CLU: variants seen among roughly 807,000 people sequenced by gnomAD.
CLU encodes the protein clusterin, also known as aging-associated protein 4.
Under a neutral mutation model 46.4 loss-of-function variants are expected in CLU, and 25 were observed. That is an observed-to-expected ratio of 0.54 (90% CI 0.39 to 0.75). CLU has a LOEUF of 0.75. Among genes scored for constraint, CLU ranks in the 30% least tolerant of loss-of-function variants. The pLI is 0.00. For missense variants in CLU, 504 were observed against 592.1 expected (o/e 0.85, Z 1.54); for synonymous variants, 235 against 235.1 (o/e 1.00, Z 0.00).
At chr8:27,600,266 G>T (rs561495023) in intron 6 of CLU, among the ~76,000 whole-genome samples, 3 of 152,256 alleles carry the variant, frequency 2.0e-5, no homozygotes, top group Non-Finnish European at 4.4e-5. Flanking sequence ...ACAGAGTTTT[G>T]CTCTGTTGCC....
At position 27,599,960 on chromosome 8, in the gene CLU, G is replaced by C. The variant is rs9331939; in HGVS notation, c.984C>G (p.Asp328Glu). ...ACCTCTCAGCGACCTGGAGGGATTC[G>C]TCGAGCTCCCGCCGCAGCTTAGCCT... is the stretch of plus-strand genomic sequence containing the variant. ...PSQAKLRRELDESLQVAERLT... is the reference protein window; with the variant it reads ...PSQAKLRRELEESLQVAERLT... The change falls in exon 7 of 9, where the codon GAC becomes GAG. Residue 328 changes from aspartate (D) to glutamate (E), a missense_variant. By Grantham distance (45) the Asp-to-Glu change is conservative. Transcript: ENST00000316403. This position sits in a 1 kb window ranked among gnomAD's most constrained non-coding sequence, Gnocchi z 4.0. The C allele has an allele frequency of 6.2e-7, 1 of 1,614,190 alleles. No homozygotes were observed. Among genetic ancestry groups the C allele is most frequent in the Non-Finnish European group, 8.5e-7 (1 of 1,180,032 alleles).
chr8:27,606,229 A>G, intron 4 of CLU, 125 bp downstream of exon 4: 1 of 1,060,096 alleles, frequency 9.4e-7, no homozygotes, highest in Non-Finnish European at 1.4e-6. Flanking sequence ...CCAATGGAGC[A>G]TGGCACTCTG....
chr8:27,604,223 T>TGA, intron 6 of CLU, 68 bp downstream of exon 6: 1 of 1,222,930 alleles, frequency 8.2e-7, no homozygotes, highest in South Asian at 1.2e-5. Context: ...GCAGCACCAG[T>TGA]GAGGCCCCAG....
Position 27,598,118 on chromosome 8 carries a change from G to A in CLU, c.*123C>T. The A allele has an allele frequency of 1.1e-6, 1 of 902,802 alleles. No homozygotes were observed. The highest frequency in any genetic ancestry group is 1.4e-5 in the South Asian group (1 of 72,692). The allele number at this position is 902,802 out of a possible 1,614,324, so 55.9% of individuals were successfully genotyped here. A position where few individuals can be genotyped will look rare whatever the true frequency, so the allele number is the denominator to read the frequency against. On this transcript the variant is annotated 3_prime_UTR_variant, in exon 9 of 9. Coordinates refer to ENST00000316403, the MANE Select transcript of CLU (RefSeq NM_001831.4). ...AGCGGGGAGAGGCTGGGCGGAGTTG[G>A]GGGCCTGGAGGCTGGGGCCTGGTTA...
At chr8:27,601,536 T>C (rs1305248198) in intron 6 of CLU, among the ~76,000 whole-genome samples, 1 of 152,314 alleles carries the variant, frequency 6.6e-6, no homozygotes, top group East Asian at 1.9e-4. Context: ...GGGCTGCAGG[T>C]TGTCAGATTC....
Position 27,598,197 on chromosome 8 carries a change from C to G in CLU, c.*44G>C, listed in dbSNP as rs1436263041. ...GGGCTGCAGCTCATCTTGGGGGGAG[C>G]TGGACTCAGATGCCCCCGTAGGTGC... On this transcript the variant is annotated 3_prime_UTR_variant, in exon 9 of 9. Coordinates refer to ENST00000316403, the MANE Select transcript of CLU (RefSeq NM_001831.4). 6.2e-7 allele frequency: 1 copy of G among 1,608,654 alleles called. No individual in the cohort carries two copies. The highest frequency in any genetic ancestry group is 8.5e-7 in the Non-Finnish European group (1 of 1,175,720).
At chr8:27,612,436 A>G (rs1378102502) in intron 1 of CLU, among the ~76,000 whole-genome samples, 1 of 152,178 alleles carries the variant, frequency 6.6e-6, no homozygotes, top group Admixed American at 6.5e-5. Context: ...CTACTTCCAA[A>G]TTAGACTGAG....
chr8:27,600,278 A>T (rs560430834), intron 6 of CLU, among the ~76,000 whole-genome samples: 10 of 152,280 alleles, frequency 6.6e-5, no homozygotes, highest in Admixed American at 1.3e-4. Flanking sequence ...TCTGTTGCCT[A>T]GGCTGGAATA....
At chr8:27,611,638 C>T (rs1447171564) in intron 1 of CLU, 8 of 457,834 alleles carry the variant, frequency 1.7e-5, no homozygotes, top group South Asian at 1.2e-4. Context: ...CGATGGGGTT[C>T]CCCTTCCTGA....
intron 3 of CLU, 133 bp from the exon 4 acceptor site, chr8:27,606,657 T>A: frequency 1.0e-6 from 1 of 991,466 alleles, no homozygotes; most frequent in Non-Finnish European, 1.6e-6. Flanking sequence ...TGCAAGTGCC[T>A]ACCCTTGCTC....
rs764393074 is a variant in CLU at position 27,598,449 on chromosome 8, C to T, written c.1340+11G>A. 1.4e-4 allele frequency: 218 copies of T among 1,613,778 alleles called. 1 individual carries two copies. In the Admixed American group the frequency reaches 2.1e-3, roughly 15 times the overall value. ...GCCCTGCAGGCCCGCAGGAAAGGCC[C>T]GCCTGCTTACCGGTGCTTTTTGCGG... On this transcript the variant is annotated intron_variant, in intron 8 of 8. Transcript: ENST00000316403.
chr8:27,601,644 G>A (rs76339189), intron 6 of CLU, among the ~76,000 whole-genome samples: 2,194 of 152,312 alleles, frequency 0.014, 24 homozygotes, highest in Middle Eastern at 0.051. Flanking sequence ...TCAAACGTGA[G>A]TCAGGGGAAG....
At chr8:27,614,454 G>A (rs575490256) in intron 1 of CLU, 7 of 322,712 alleles carry the variant, frequency 2.2e-5, no homozygotes, top group African/African-American at 1.4e-4. Context: ...CTCAGGCGGC[G>A]GTTGCGCCGG....
intron 6 of CLU, among the ~76,000 whole-genome samples, chr8:27,602,952 C>A (rs1001014325): frequency 2.0e-5 from 3 of 151,754 alleles, no homozygotes; most frequent in Non-Finnish European, 2.9e-5. Context: ...GCACTCCCAG[C>A]TACTTGGGAG....
intron 4 of CLU, 68 bp from the exon 5 acceptor site, chr8:27,605,403 C>A (rs1478692846): frequency 1.3e-6 from 2 of 1,556,496 alleles, no homozygotes; most frequent in Non-Finnish European, 1.8e-6. Flanking sequence ...GCCTCCCACC[C>A]CCTGGTGAGC....
rs1800907705 is a variant in CLU at position 27,610,611 on chromosome 8, C to T, written c.-29-11G>A. 1 of 1,593,754 alleles carries T rather than the reference C, an allele frequency of 6.3e-7. No homozygotes were observed. The highest frequency in any genetic ancestry group is 1.1e-5 in the South Asian group (1 of 90,658). On this transcript the variant is annotated splice_polypyrimidine_tract_variant and intron_variant, in intron 1 of 8. Transcript: ENST00000316403. ...AGTCTTTGCACGCCTCTGCAGAGAA[C>T]AGGAGACCATCATGGGAACAGCTAG...
chr8:27,606,200 C>T (rs1351136179), intron 4 of CLU, among the ~76,000 whole-genome samples, 154 bp downstream of exon 4: 1 of 152,250 alleles, frequency 6.6e-6, no homozygotes, highest in Non-Finnish European at 1.5e-5. Context: ...TCCACTCTCT[C>T]TACTCATGCC....
At chr8:27,610,283 C>T (rs1296203842) in intron 2 of CLU, among the ~76,000 whole-genome samples, 192 bp downstream of exon 2, 1 of 152,160 alleles carries the variant, frequency 6.6e-6, no homozygotes, top group Non-Finnish European at 1.5e-5. Flanking sequence ...CTGATGCACG[C>T]AGAGCCTGAA....
In CLU at chr8:27,604,938, G is replaced by C; in HGVS notation, c.815C>G (p.Thr272Arg). ...FHSPAFQHPPTEFIREGDDDR... is the reference protein window; with the variant it reads ...FHSPAFQHPPREFIREGDDDR... ...CCCCTTCTCACCTCGTATGAATTCT[G>C]TTGGCGGGTGCTGGAAGGCCGGGCT... is the stretch of plus-strand genomic sequence containing the variant. Residue 272 changes from threonine to arginine, a missense_variant, in exon 5 of 9, where the codon ACA (threonine) becomes AGA (arginine). Coordinates refer to ENST00000316403, the MANE Select transcript of CLU (RefSeq NM_001831.4). The C allele has an allele frequency of 6.2e-7, 1 of 1,614,196 alleles. No individual in the cohort carries two copies. The highest frequency in any genetic ancestry group is 1.1e-5 in the South Asian group (1 of 91,082).
Sources: allele counts gnomAD v4.1 joint callset (sites outside exome capture counted in the v4.1 genomes callset), GRCh38; gene constraint gnomAD v4.1.1; non-coding constraint Gnocchi (gnomAD v3.1); transcripts MANE v1.5; gene names NCBI Gene and HGNC (gene_info 2026-07-23, HGNC 2026-07-21).